Variants in CDH4 observed in about 807,000 individuals in gnomAD.
The protein encoded by CDH4 is cadherin 4.
CDH4 carries 33 observed loss-of-function variants against 86.0 expected under a neutral mutation model. The ratio of observed to expected loss-of-function variants is 0.38; its 90% CI spans 0.29 to 0.51. The LOEUF is 0.51. CDH4 is among the 20% of genes least tolerant of loss of function. CDH4 has a pLI of 0.86. For missense variants in CDH4, 1,114 were observed against 1,307.4 expected (o/e 0.85, Z 2.28); for synonymous variants, 555 against 549.4 (o/e 1.01, Z -0.14).
chr20:61,296,075 G>T (rs2084350395), intron 2 of CDH4, among the ~76,000 whole-genome samples: 1 of 152,188 alleles, frequency 6.6e-6, no homozygotes, highest in Non-Finnish European at 1.5e-5. Context: ...AGGGGGAGTG[G>T]CCTGCGAGAA....
chr20:61,262,877 G>A lies in CDH4; in HGVS notation c.169+7940G>A, dbSNP rs112441361. Among the ~76,000 whole-genome samples, 950 of 102,622 alleles carry A rather than the reference G, an allele frequency of 9.3e-3. 10 individuals carry two copies. The highest frequency in any genetic ancestry group is 0.033 in the African/African-American group (887 of 26,848). The allele number at this position is 102,622 out of a possible 152,430, so 67.3% of individuals were successfully genotyped here. Reference sequence around the variant, plus strand: ...CCCTTCCTTCCACCCTCTCTCCCTTGCTCTCTCCCTCCCTCCCTTCCTCCT... The same window carrying A: ...CCCTTCCTTCCACCCTCTCTCCCTTACTCTCTCCCTCCCTCCCTTCCTCCT... On this transcript the variant is annotated intron_variant, in intron 2 of 15. Coordinates refer to ENST00000614565, the MANE Select transcript of CDH4 (RefSeq NM_001794.5).
rs533520361 is a variant in CDH4 at position 61,895,986 on chromosome 20, C to T, written c.1188+939C>T. 1.8e-4 allele frequency among the ~76,000 whole-genome samples: 27 copies of T among 152,294 alleles called. 1 individual carries two copies. The South Asian group carries it at 5.4e-3, about 30-fold the overall frequency. On this transcript the variant is annotated intron_variant, in intron 8 of 15. Transcript: ENST00000614565. ...AGTCAGCGAGGGCTCCCAGAGTGGC[C>T]GTGGCCCTGAGATGCCAGGATCTCA...
chr20:61,471,994 G>C (rs574899249), intron 2 of CDH4, among the ~76,000 whole-genome samples: 1 of 152,250 alleles, frequency 6.6e-6, no homozygotes, highest in Non-Finnish European at 1.5e-5. Context: ...TGGATGATAC[G>C]TTCTGTAAAT....
At chr20:61,736,719 G>A (rs375787701) in intron 2 of CDH4, among the ~76,000 whole-genome samples, 1 of 152,134 alleles carries the variant, frequency 6.6e-6, no homozygotes, top group African/African-American at 2.4e-5. Context: ...ATCCAGAGGC[G>A]CATTCACGAC....
chr20:61,519,314 T>C (rs917286946), intron 2 of CDH4, among the ~76,000 whole-genome samples: 1 of 152,258 alleles, frequency 6.6e-6, no homozygotes, highest in African/African-American at 2.4e-5. Context: ...ATTCTAGACA[T>C]GAAGCAGTCA....
intron 2 of CDH4, among the ~76,000 whole-genome samples, chr20:61,276,534 C>T (rs1166174468): frequency 6.6e-6 from 1 of 152,182 alleles, no homozygotes; most frequent in Non-Finnish European, 1.5e-5. Flanking sequence ...CATGCTATGT[C>T]GCTGCTGTCT....
At chr20:61,721,814 T>G (rs745408668) in intron 2 of CDH4, among the ~76,000 whole-genome samples, 4 of 152,166 alleles carry the variant, frequency 2.6e-5, no homozygotes, top group Non-Finnish European at 4.4e-5. Flanking sequence ...AATTAAATCA[T>G]CAGAGTGGAT....
intron 3 of CDH4, among the ~76,000 whole-genome samples, chr20:61,745,421 A>C (rs1237828781): frequency 6.6e-6 from 1 of 152,168 alleles, no homozygotes; most frequent in African/African-American, 2.4e-5. Flanking sequence ...GAGGTGGTTT[A>C]GGTTAGAAAA....
At chr20:61,771,579 G>C (rs1007861308) in intron 3 of CDH4, among the ~76,000 whole-genome samples, 1 of 140,004 alleles carries the variant, frequency 7.1e-6, no homozygotes, top group South Asian at 2.2e-4. Context: ...AGCCAAGATC[G>C]TATCACTGCT....
chr20:61,707,322 C>CA (rs760891197), intron 2 of CDH4, among the ~76,000 whole-genome samples: 5 of 152,272 alleles, frequency 3.3e-5, no homozygotes, highest in Non-Finnish European at 7.3e-5. Flanking sequence ...CTGCCTTCGT[C>CA]AGTTGCTGCC....
At chr20:61,409,282 G>C (rs932189658) in intron 2 of CDH4, among the ~76,000 whole-genome samples, 1 of 152,124 alleles carries the variant, frequency 6.6e-6, no homozygotes, top group Non-Finnish European at 1.5e-5. Context: ...GGGACTCAGA[G>C]AGAACTTCAC....
chr20:61,774,048 G>A (rs2088810650), intron 4 of CDH4, among the ~76,000 whole-genome samples: 1 of 152,168 alleles, frequency 6.6e-6, no homozygotes, highest in Non-Finnish European at 1.5e-5. Context: ...CAAAATGACC[G>A]GTTATTTATA....
chr20:61,540,998 G>T (rs1474432062), intron 2 of CDH4, among the ~76,000 whole-genome samples: 1 of 152,200 alleles, frequency 6.6e-6, no homozygotes, highest in Non-Finnish European at 1.5e-5. Context: ...AATTGTCAGA[G>T]ATGGAAGAGT....
chr20:61,937,682 G>A lies in CDH4; in HGVS notation c.*739G>A, dbSNP rs1163491549. 1 of 152,232 alleles carries A rather than the reference G, an allele frequency of 6.6e-6. No homozygotes were observed. Among genetic ancestry groups the A allele is most frequent in the Non-Finnish European group, 1.5e-5 (1 of 68,116 alleles). The allele number at this position is 152,232 out of a possible 1,614,324, so 9.4% of individuals were successfully genotyped here. On this transcript the variant is annotated 3_prime_UTR_variant, in exon 16 of 16. Transcript: ENST00000614565. ...TGTGAGGAGCTCAGGCAGGGGCCTG[G>A]AGGGGAACAGGGGTCATCCTGAAGG...
intron 4 of CDH4, among the ~76,000 whole-genome samples, chr20:61,797,614 A>G (rs915630186): frequency 1.3e-5 from 2 of 150,778 alleles, no homozygotes; most frequent in African/African-American, 4.9e-5. Flanking sequence ...GCAAGATCCC[A>G]TCTCTACAAA....
At chr20:61,332,473 A>C (rs1490501400) in intron 2 of CDH4, among the ~76,000 whole-genome samples, 3 of 152,228 alleles carry the variant, frequency 2.0e-5, no homozygotes, top group Admixed American at 6.5e-5. Flanking sequence ...AAGAGGGCTT[A>C]GGTCTCCTTC....
At chr20:61,447,709 G>A (rs889850118) in intron 2 of CDH4, among the ~76,000 whole-genome samples, 1 of 150,098 alleles carries the variant, frequency 6.7e-6, no homozygotes, top group Non-Finnish European at 1.5e-5. Flanking sequence ...AGAGGTAGGA[G>A]CAAGAGTAGA....
rs2085820077 is a variant in CDH4 at position 61,516,312 on chromosome 20, C to T, written c.170-227251C>T. ...TCCTCTTCCTGCTCCTTCCTTACAT[C>T]CCGTCTATTAATGCCATGGTCCCTG... On this transcript the variant is annotated intron_variant, in intron 2 of 15. Coordinates refer to ENST00000614565, the MANE Select transcript of CDH4 (RefSeq NM_001794.5). The surrounding 1 kb of genome is among the most constrained non-coding windows in gnomAD (Gnocchi z 4.0). Among the ~76,000 whole-genome samples, 1 of 152,210 alleles carries T rather than the reference C, an allele frequency of 6.6e-6. No homozygotes were observed. Among genetic ancestry groups the T allele is most frequent in the African/African-American group, 2.4e-5 (1 of 41,454 alleles).
rs144053349 is a variant in CDH4 at position 61,671,861 on chromosome 20, AATGG to A, written c.170-71689_170-71686del. Among the ~76,000 whole-genome samples the A allele has an allele frequency of 7.8e-4, 114 of 145,994 alleles. 1 individual carries two copies. Among genetic ancestry groups the A allele is most frequent in the African/African-American group, 2.7e-3 (104 of 38,978 alleles). ...TGCATGGGTGGAAGGTGGATGGATG[AATGG>A]ATGGATGGATGGTGGATGGACAGAT... is the stretch of plus-strand genomic sequence containing the variant. On this transcript the variant is annotated intron_variant, in intron 2 of 15. Transcript: ENST00000614565.
Sources: gnomAD v4.1 joint callset for allele counts (sites outside exome capture counted in the v4.1 genomes callset) on GRCh38, gnomAD v4.1.1 for gene constraint, Gnocchi (gnomAD v3.1) non-coding constraint, MANE v1.5 for transcripts, NCBI Gene and HGNC (gene_info 2026-07-23, HGNC 2026-07-21) for gene names.